The following ERBB4 variants were observed in gnomAD, a reference collection of about 807,000 sequenced individuals.
ERBB4 encodes receptor tyrosine-protein kinase erbB-4.
ERBB4 carries 42 observed loss-of-function variants against 158.0 expected under a neutral mutation model. That is an observed-to-expected ratio of 0.27 (90% CI 0.21 to 0.34). The LOEUF is 0.34. Among genes scored for constraint, ERBB4 ranks in the 10% least tolerant of loss-of-function variants. The pLI is 1.00. For synonymous variants in ERBB4, 583 were observed against 558.7 expected (o/e 1.04, Z -0.61); for missense variants, 1,333 against 1,624.1 (o/e 0.82, Z 3.08).
Position 212,007,129 on chromosome 2 carries a change from T to G in ERBB4, c.235-59513A>C, listed in dbSNP as rs149889606. Among the ~76,000 whole-genome samples the G allele has an allele frequency of 5.3e-5, 8 of 152,150 alleles. No homozygotes were observed. The East Asian group carries it at 1.3e-3, about 26-fold the overall frequency. The stretch of plus-strand genomic sequence containing the variant: ...TGCCAAACCTTATTTGGTTATATTA[T>G]TTGTATTAAATAATTTAATCTTCAA... On this transcript the variant is annotated intron_variant, in intron 2 of 27. Coordinates refer to ENST00000342788, the MANE Select transcript of ERBB4 (RefSeq NM_005235.3).
chr2:212,007,923 T>C (rs1002915190), intron 2 of ERBB4, among the ~76,000 whole-genome samples: 7 of 152,026 alleles, frequency 4.6e-5, no homozygotes, highest in Admixed American at 1.3e-4. Flanking sequence ...ACAAAATATT[T>C]CACCATATGG....
chr2:212,278,214 A>G (rs1018768176), intron 1 of ERBB4, among the ~76,000 whole-genome samples: 1 of 151,828 alleles, frequency 6.6e-6, no homozygotes, highest in Non-Finnish European at 1.5e-5. Context: ...AAATGTACAC[A>G]TAAAATATTG....
chr2:212,330,596 G>C (rs920539750), intron 1 of ERBB4, among the ~76,000 whole-genome samples: 1 of 152,008 alleles, frequency 6.6e-6, no homozygotes, highest in Non-Finnish European at 1.5e-5. Flanking sequence ...CTGGGTGACA[G>C]AGTAAGACTC....
At chr2:212,413,176 CG>C (rs2091552213) in intron 1 of ERBB4, among the ~76,000 whole-genome samples, 1 of 118,216 alleles carries the variant, frequency 8.5e-6, no homozygotes, top group Non-Finnish European at 1.7e-5. Context: ...TTCGTAGAGA[CG>C]GGGTTTCACT....
chr2:211,643,484 G>A (rs1285957971), intron 16 of ERBB4, among the ~76,000 whole-genome samples: 1 of 152,038 alleles, frequency 6.6e-6, no homozygotes, highest in East Asian at 1.9e-4. Context: ...TTACTTGTAG[G>A]CAAGGAAGAT....
intron 7 of ERBB4, among the ~76,000 whole-genome samples, chr2:211,716,517 A>G (rs563617738): frequency 7.8e-4 from 119 of 151,902 alleles, no homozygotes; most frequent in African/African-American, 2.7e-3. Context: ...TCTACTAAAA[A>G]TACAAAAAAT....
chr2:211,637,368 A>C (rs2070400054), intron 16 of ERBB4, among the ~76,000 whole-genome samples: 1 of 151,970 alleles, frequency 6.6e-6, no homozygotes, highest in Non-Finnish European at 1.5e-5. Flanking sequence ...TATTTTCTTA[A>C]TTATGTATAT....
chr2:211,992,563 GAGAGA>G lies in ERBB4; in HGVS notation c.235-44952_235-44948del, dbSNP rs1263693181. 1.6e-3 allele frequency among the ~76,000 whole-genome samples: 107 copies of G among 67,266 alleles called. 1 individual carries two copies. Among genetic ancestry groups the G allele is most frequent in the East Asian group, 9.9e-3 (37 of 3,742 alleles). The allele number at this position is 67,266 out of a possible 152,430, so 44.1% of individuals were successfully genotyped here. ...AGACAGTGAGAGAGAGAGAGAGAGA[GAGAGA>G]AAAAAAAAAAAAACATGAGTTTGTC... On this transcript the variant is annotated intron_variant, in intron 2 of 27. Transcript: ENST00000342788.
chr2:212,253,004 G>C (rs1329287154), intron 1 of ERBB4, among the ~76,000 whole-genome samples: 2 of 152,098 alleles, frequency 1.3e-5, no homozygotes, highest in Admixed American at 1.3e-4. Flanking sequence ...TAATATTCAT[G>C]ACAGTTTGAC....
intron 3 of ERBB4, among the ~76,000 whole-genome samples, chr2:211,888,675 C>T (rs1559615680): frequency 6.6e-6 from 1 of 152,070 alleles, no homozygotes; most frequent in African/African-American, 2.4e-5. Context: ...ACAGTGGGCG[C>T]AGGCCAGTGG....
intron 4 of ERBB4, among the ~76,000 whole-genome samples, chr2:211,783,880 T>C (rs997780819): frequency 6.6e-6 from 1 of 152,196 alleles, no homozygotes; most frequent in Admixed American, 6.5e-5. Flanking sequence ...GATGCTGGCC[T>C]CATAAAATGA....
intron 15 of ERBB4, among the ~76,000 whole-genome samples, chr2:211,662,064 A>T (rs1194106820): frequency 7.2e-6 from 1 of 139,488 alleles, no homozygotes; most frequent in African/African-American, 2.7e-5. Flanking sequence ...AAAAAAAAAA[A>T]AAAAAAAAAA....
chr2:211,587,195 A>T lies in ERBB4; in HGVS notation c.2302-25107T>A, dbSNP rs193064486. 9.6e-3 allele frequency among the ~76,000 whole-genome samples: 1,414 copies of T among 147,120 alleles called. 20 individuals are homozygous for T. Among genetic ancestry groups the T allele is most frequent in the African/African-American group, 0.033 (1,326 of 40,600 alleles). On this transcript the variant is annotated intron_variant, in intron 19 of 27. Transcript: ENST00000342788. ...GGGTGAAACCCAATCTCTACTTACAAAAAAAAAAAAAATAGCCAGGCGTGG... is the reference window on the plus strand; with the variant it reads ...GGGTGAAACCCAATCTCTACTTACATAAAAAAAAAAAATAGCCAGGCGTGG...
intron 16 of ERBB4, among the ~76,000 whole-genome samples, chr2:211,655,445 C>T (rs957199922): frequency 1.3e-5 from 2 of 152,126 alleles, no homozygotes; most frequent in Non-Finnish European, 2.9e-5. Flanking sequence ...TTAGTATTCC[C>T]ATTTTATGCA....
At chr2:211,746,375 T>G (rs1434081433) in intron 5 of ERBB4, among the ~76,000 whole-genome samples, 1 of 152,236 alleles carries the variant, frequency 6.6e-6, no homozygotes. Flanking sequence ...GTAAGCACAG[T>G]GGCCGTTAAG....
intron 5 of ERBB4, among the ~76,000 whole-genome samples, chr2:211,733,974 T>C (rs2074517377): frequency 1.3e-5 from 2 of 151,948 alleles, no homozygotes; most frequent in South Asian, 4.1e-4. Flanking sequence ...CCCGGGAGAC[T>C]GAGGTTGCAG....
intron 12 of ERBB4, among the ~76,000 whole-genome samples, chr2:211,688,906 T>C (rs1216286876): frequency 6.6e-6 from 1 of 152,138 alleles, no homozygotes; most frequent in Non-Finnish European, 1.5e-5. Context: ...TTATAAATTA[T>C]TTTAGGTAAC....
At chr2:212,314,490 T>C (rs1045952191) in intron 1 of ERBB4, among the ~76,000 whole-genome samples, 4 of 150,846 alleles carry the variant, frequency 2.7e-5, no homozygotes, top group South Asian at 2.1e-4. Context: ...AAAAAATTAG[T>C]TATTTGGTTA....
intron 1 of ERBB4, among the ~76,000 whole-genome samples, chr2:212,455,826 T>C (rs1688263244): frequency 6.6e-6 from 1 of 152,190 alleles, no homozygotes; most frequent in African/African-American, 2.4e-5. Context: ...AAATTTATTG[T>C]TAAAAGTATA....
Sources: gnomAD v4.1 joint callset for allele counts (sites outside exome capture counted in the v4.1 genomes callset) on GRCh38, gnomAD v4.1.1 for gene constraint, MANE v1.5 for transcripts, NCBI Gene and HGNC (gene_info 2026-07-23, HGNC 2026-07-21) for gene names.